Variants in PCDHGC3 observed in about 807,000 individuals in gnomAD.
PCDHGC3 encodes the protein protocadherin gamma subfamily C, 3.
Under a neutral mutation model 59.2 loss-of-function variants are expected in PCDHGC3, and 26 were observed. That is an observed-to-expected ratio of 0.44 (90% CI 0.32 to 0.61). The LOEUF is 0.61. Ranked by LOEUF, PCDHGC3 falls within the 20% of genes least tolerant of loss-of-function variation. The pLI is 0.05. For synonymous variants in PCDHGC3, 487 were observed against 519.7 expected, an observed-to-expected ratio of 0.94 and a Z score of 0.86; for missense variants, 1,080 against 1,221.8, an observed-to-expected ratio of 0.88 and a Z score of 1.73.
chr5:141,490,249 C>T lies in PCDHGC3; in HGVS notation c.2431-4558C>T, dbSNP rs2099697737. On this transcript the variant is annotated intron_variant, in intron 1 of 3. Coordinates refer to ENST00000308177, the MANE Select transcript of PCDHGC3 (RefSeq NM_002588.4). The surrounding 1 kb of genome is among the most constrained non-coding windows in gnomAD (Gnocchi z 5.4). ...TGCCATGGAGGGCCACTGTGTGATT[C>T]AAGTGGATGTGGGGGATGTCAATGA... The T allele has an allele frequency of 1.2e-6, 2 of 1,614,218 alleles. No individual in the cohort carries two copies. The highest frequency in any genetic ancestry group is 1.7e-6 in the Non-Finnish European group (2 of 1,180,044).
rs548823035 is a variant in PCDHGC3 at position 141,499,447 on chromosome 5, C to T, written c.2489+4582C>T. ...AGAAAAAAAATTAAAAGGAAAACCA[C>T]CCATCATTTTACAATCTAGGGAGAA... On this transcript the variant is annotated intron_variant, in intron 2 of 3. Transcript: ENST00000308177. Among the ~76,000 whole-genome samples the T allele has an allele frequency of 3.8e-4, 58 of 152,250 alleles. 1 individual carries two copies. In the East Asian group the frequency reaches 9.1e-3, roughly 24 times the overall value.
Position 141,490,051 on chromosome 5 carries a change from G to C in PCDHGC3, c.2431-4756G>C, listed in dbSNP as rs779280988. 1 of 1,614,214 alleles carries C rather than the reference G, an allele frequency of 6.2e-7. No individual in the cohort carries two copies. The highest frequency in any genetic ancestry group is 1.1e-5 in the South Asian group (1 of 91,082). On this transcript the variant is annotated intron_variant, in intron 1 of 3. Coordinates refer to ENST00000308177, the MANE Select transcript of PCDHGC3 (RefSeq NM_002588.4). The surrounding 1 kb of genome is among the most constrained non-coding windows in gnomAD (Gnocchi z 5.4). Reference sequence around the variant, plus strand: ...CCGCCTCAATGCCACTGATCCAGACGAGGGCACCAACGGCCAACTAGACTA... The same window carrying C: ...CCGCCTCAATGCCACTGATCCAGACCAGGGCACCAACGGCCAACTAGACTA...
In PCDHGC3 at chr5:141,487,472, G is replaced by A. The variant is rs2099645737; in HGVS notation, c.2431-7335G>A. The A allele has an allele frequency of 2.5e-6, 4 of 1,614,178 alleles. No individual in the cohort carries two copies. Among genetic ancestry groups the A allele is most frequent in the Non-Finnish European group, 3.4e-6 (4 of 1,180,036 alleles). Reference sequence around the variant, plus strand: ...CCCTATCAAGTTTGTTGATGTGGGAGGCCACTCTCATGGCTGTACACCCTT... The same window carrying A: ...CCCTATCAAGTTTGTTGATGTGGGAAGCCACTCTCATGGCTGTACACCCTT... On this transcript the variant is annotated intron_variant, in intron 1 of 3. Coordinates refer to ENST00000308177, the MANE Select transcript of PCDHGC3 (RefSeq NM_002588.4). This position sits in a 1 kb window ranked among gnomAD's most constrained non-coding sequence, Gnocchi z 5.0.
intron 3 of PCDHGC3, among the ~76,000 whole-genome samples, chr5:141,510,048 G>GTGAT (rs1392197406): frequency 1.3e-5 from 2 of 152,192 alleles, no homozygotes; most frequent in Non-Finnish European, 2.9e-5. Context: ...GAGGTTAAAA[G>GTGAT]TGATTGTGCA....
chr5:141,477,295 G>A lies in PCDHGC3; in HGVS notation c.1179G>A (p.Pro393=), dbSNP rs1207558247. The change falls in exon 1 of 4, where the codon CCG becomes CCA. Residue 393 remains proline, a synonymous_variant. Transcript: ENST00000308177. This position sits in a 1 kb window ranked among gnomAD's most constrained non-coding sequence, Gnocchi z 4.9. ...GGCTGGTGACCTGCGAAGTTCCACC[G>A]GGTCTCCCTTTCAGCCTTACTTCTT... is the stretch of plus-strand genomic sequence containing the variant. The part of the protein sequence containing the change: ...ENGLVTCEVP[P]GLPFSLTSSL... The A allele has an allele frequency of 8.1e-6, 13 of 1,613,990 alleles. No homozygotes were observed. Among genetic ancestry groups the A allele is most frequent in the Admixed American group, 3.3e-5 (2 of 59,990 alleles).
At chr5:141,484,404 G>C (rs1333849091) in intron 1 of PCDHGC3, among the ~76,000 whole-genome samples, 3 of 152,174 alleles carry the variant, frequency 2.0e-5, no homozygotes, top group Non-Finnish European at 4.4e-5. Flanking sequence ...GGTTTCCGCT[G>C]TGTCTCCTGT....
At position 141,490,664 on chromosome 5, in the gene PCDHGC3, C is replaced by T; in HGVS notation, c.2431-4143C>T. 6.2e-7 allele frequency: 1 copy of T among 1,614,212 alleles called. No homozygotes were observed. The highest frequency in any genetic ancestry group is 1.1e-5 in the South Asian group (1 of 91,084). On this transcript the variant is annotated intron_variant, in intron 1 of 3. Coordinates refer to ENST00000308177, the MANE Select transcript of PCDHGC3 (RefSeq NM_002588.4). The surrounding 1 kb of genome is among the most constrained non-coding windows in gnomAD (Gnocchi z 5.4). ...CGGCCTCCGGGCTCCCTTCTTTGCA[C>T]TGTGGCTGCCTCAGATCCAGACACT...
chr5:141,481,071 A>G (rs887828386), intron 1 of PCDHGC3, among the ~76,000 whole-genome samples: 19 of 152,172 alleles, frequency 1.2e-4, no homozygotes, highest in African/African-American at 4.6e-4. Context: ...AACAAAAAGA[A>G]AGAAAGAAAA....
chr5:141,507,504 C>T (rs1443873775), intron 3 of PCDHGC3, among the ~76,000 whole-genome samples: 1 of 152,138 alleles, frequency 6.6e-6, no homozygotes, highest in Admixed American at 6.5e-5. Flanking sequence ...TGTCCCAGGT[C>T]TGGTGGGGCT....
chr5:141,500,269 C>T (rs977958449), intron 2 of PCDHGC3, among the ~76,000 whole-genome samples: 1 of 151,504 alleles, frequency 6.6e-6, no homozygotes, highest in African/African-American at 2.4e-5. Context: ...ACTGCAGTGG[C>T]GCAATCTCGG....
rs558609501 is a variant in PCDHGC3, at chr5:141,487,648, G to C, written c.2431-7159G>C. On this transcript the variant is annotated intron_variant, in intron 1 of 3. Coordinates refer to ENST00000308177, the MANE Select transcript of PCDHGC3 (RefSeq NM_002588.4). This position sits in a 1 kb window ranked among gnomAD's most constrained non-coding sequence, Gnocchi z 5.0. ...CTTTGCAGGCTCAACAAATGCTTGA[G>C]GGTTATTCTGATCCAGGCATATGGC... is the stretch of plus-strand genomic sequence containing the variant. 34 of 1,613,904 alleles carry C rather than the reference G, an allele frequency of 2.1e-5. 1 individual carries two copies. The South Asian group carries it at 3.6e-4, about 17-fold the overall frequency.
At chr5:141,504,529 G>A (rs1333393859) in intron 2 of PCDHGC3, among the ~76,000 whole-genome samples, 1 of 151,900 alleles carries the variant, frequency 6.6e-6, no homozygotes, top group African/African-American at 2.4e-5. Context: ...TATTTTATTC[G>A]TGTCATCATG....
Position 141,505,488 on chromosome 5 carries a change from G to A in PCDHGC3, c.2578+7G>A. On this transcript the variant is annotated splice_region_variant and intron_variant, in intron 3 of 3. Transcript: ENST00000308177. Reference sequence around the variant, plus strand: ...ATCTTGGCGTCCGCCAGTGGTAAGTGGTGTCAGTGTGTGTATGGAAGAGTG... The same window carrying A: ...ATCTTGGCGTCCGCCAGTGGTAAGTAGTGTCAGTGTGTGTATGGAAGAGTG... The A allele has an allele frequency of 6.2e-7, 1 of 1,614,222 alleles. No individual in the cohort carries two copies. The highest frequency in any genetic ancestry group is 8.5e-7 in the Non-Finnish European group (1 of 1,180,018).
chr5:141,507,691 A>G (rs777728143), intron 3 of PCDHGC3, among the ~76,000 whole-genome samples: 72 of 152,198 alleles, frequency 4.7e-4, no homozygotes, highest in Non-Finnish European at 6.8e-4. Context: ...CAGAAATGAA[A>G]TCAGTATTTA....
Position 141,485,096 on chromosome 5 carries a change from CCAG to C in PCDHGC3, c.2430+6552_2430+6554del. The C allele has an allele frequency of 8.9e-7, 1 of 1,125,684 alleles. No homozygotes were observed. The highest frequency in any genetic ancestry group is 1.3e-6 in the Non-Finnish European group (1 of 759,466). 69.7% of individuals were successfully genotyped at this position (1,125,684 alleles called of 1,614,324 possible). A position where few individuals can be genotyped will look rare whatever the true frequency, so the allele number is the denominator to read the frequency against. ...CGCGGGGAAAGGGAGATAGGTGTCTCCAGCTGCTGTGGCTGTTTGGGGCGGGTC... is the reference window on the plus strand; with the variant it reads ...CGCGGGGAAAGGGAGATAGGTGTCTCCTGCTGTGGCTGTTTGGGGCGGGTC... On this transcript the variant is annotated intron_variant, in intron 1 of 3. Transcript: ENST00000308177. The surrounding 1 kb of genome is among the most constrained non-coding windows in gnomAD (Gnocchi z 5.7).
intron 1 of PCDHGC3, among the ~76,000 whole-genome samples, chr5:141,481,836 G>A (rs1435746995): frequency 2.7e-5 from 4 of 150,638 alleles, no homozygotes; most frequent in Non-Finnish European, 5.9e-5. Context: ...CAGGAGAATC[G>A]CTTGATGGTG....
intron 3 of PCDHGC3, among the ~76,000 whole-genome samples, chr5:141,506,138 G>T (rs983643755): frequency 6.6e-6 from 1 of 152,134 alleles, no homozygotes; most frequent in African/African-American, 2.4e-5. Flanking sequence ...AGGAGAAGAA[G>T]AATATCATTT....
In PCDHGC3 at chr5:141,476,476, C is replaced by T; in HGVS notation, c.360C>T (p.Ser120=). 6.2e-7 allele frequency: 1 copy of T among 1,613,986 alleles called. No homozygotes were observed. The highest frequency in any genetic ancestry group is 8.5e-7 in the Non-Finnish European group (1 of 1,179,992). Residue 120 remains serine, a synonymous_variant, in exon 1 of 4, where the codon AGC becomes AGT. Transcript: ENST00000308177. The surrounding 1 kb of genome is among the most constrained non-coding windows in gnomAD (Gnocchi z 7.6). ...LVVENPLELF[S]VEVVIQDIND... Reference sequence around the variant, plus strand: ...TGGAGAACCCGCTGGAGCTGTTCAGCGTGGAAGTGGTGATCCAGGACATCA... The same window carrying T: ...TGGAGAACCCGCTGGAGCTGTTCAGTGTGGAAGTGGTGATCCAGGACATCA...
At chr5:141,495,278 C>A (rs2099760057) in intron 2 of PCDHGC3, among the ~76,000 whole-genome samples, 1 of 152,174 alleles carries the variant, frequency 6.6e-6, no homozygotes, top group Non-Finnish European at 1.5e-5. Context: ...CCGGAGGAGG[C>A]GGTCCGCACT....
Sources: allele counts gnomAD v4.1 joint callset (sites outside exome capture counted in the v4.1 genomes callset), GRCh38; gene constraint gnomAD v4.1.1; non-coding constraint Gnocchi (gnomAD v3.1); transcripts MANE v1.5; gene names NCBI Gene and HGNC (gene_info 2026-07-23, HGNC 2026-07-21).